The following C1D variants were observed in gnomAD, a reference collection of about 807,000 sequenced individuals.
C1D encodes the protein C1D nuclear receptor corepressor, also known as nuclear nucleic acid-binding protein C1D.
In C1D, 10 loss-of-function variants were observed where a neutral mutation model predicts 17.5. The observed-to-expected ratio is 0.57, with a 90% confidence interval of 0.35 to 0.97. The LOEUF (loss-of-function observed/expected upper bound fraction) is 0.97. C1D is among the 50% of genes least tolerant of loss of function. The pLI is 0.01. For missense variants in C1D, 136 were observed against 160.1 expected, an observed-to-expected ratio of 0.85 and a Z score of 0.81; for synonymous variants, 49 against 54.0, an observed-to-expected ratio of 0.91 and a Z score of 0.40.
At chr2:68,058,421 TTCC>T (rs1199175148) in intron 1 of C1D, among the ~76,000 whole-genome samples, 2 of 152,202 alleles carry the variant, frequency 1.3e-5, no homozygotes, top group African/African-American at 4.8e-5. Context: ...GACAGAAAGC[TTCC>T]TCAAGAAAGC....
In C1D at chr2:68,047,269, A is replaced by T. The variant is rs538836160; in HGVS notation, c.42T>A (p.Ile14=). 1.2e-6 allele frequency: 2 copies of T among 1,613,254 alleles called. No homozygotes were observed. Among genetic ancestry groups the T allele is most frequent in the African/African-American group, 2.7e-5 (2 of 75,004 alleles). ...EEINEDYPVE[I]HEYLSAFENS... is the part of the protein sequence containing the mutation. ...TCTCAAACGCTGACAAATACTCGTG[A>T]ATTTCTACTGGATAGTCTTCATTAA... The change falls in exon 2 of 5, where the codon ATT becomes ATA. Residue 14 remains isoleucine, a synonymous_variant. Coordinates refer to ENST00000410067, the MANE Select transcript of C1D (RefSeq NM_173177.3).
chr2:68,052,876 C>CAGCG (rs1411528532), intron 1 of C1D, among the ~76,000 whole-genome samples: 63 of 152,200 alleles, frequency 4.1e-4, no homozygotes, highest in African/African-American at 1.4e-3. Flanking sequence ...CAGGATCAAG[C>CAGCG]AGTGACTCTA....
chr2:68,062,434 C>A (rs1671661046), intron 1 of C1D, among the ~76,000 whole-genome samples: 1 of 152,182 alleles, frequency 6.6e-6, no homozygotes, highest in African/African-American at 2.4e-5. Flanking sequence ...GGATTACCCA[C>A]TACAGATTTC....
At chr2:68,044,276 T>C (rs1671053916) in intron 4 of C1D, among the ~76,000 whole-genome samples, 1 of 152,268 alleles carries the variant, frequency 6.6e-6, no homozygotes. Flanking sequence ...CACAGAGGAA[T>C]CATCTCTCAC....
At chr2:68,057,707 T>C (rs186336180) in intron 1 of C1D, among the ~76,000 whole-genome samples, 3 of 152,334 alleles carry the variant, frequency 2.0e-5, no homozygotes, top group East Asian at 3.8e-4. Flanking sequence ...ATCTCAAATT[T>C]TGAAATTTAC....
intron 4 of C1D, 29 bp downstream of exon 4, chr2:68,045,959 C>T (rs1671107380): frequency 6.8e-6 from 10 of 1,463,252 alleles, no homozygotes; most frequent in Non-Finnish European, 9.4e-6. Flanking sequence ...ACAACAAACA[C>T]ATAAAATAAA....
chr2:68,054,734 A>AGGAT (rs1671389705), intron 1 of C1D, among the ~76,000 whole-genome samples: 1 of 152,008 alleles, frequency 6.6e-6, no homozygotes, highest in Non-Finnish European at 1.5e-5. Flanking sequence ...GACTGACAGG[A>AGGAT]GGATCACTTG....
chr2:68,051,498 T>A (rs1671281245), intron 1 of C1D, among the ~76,000 whole-genome samples: 1 of 152,132 alleles, frequency 6.6e-6, no homozygotes, highest in Non-Finnish European at 1.5e-5. Context: ...ACTCTATTTT[T>A]AAAATCAAAA....
intron 1 of C1D, among the ~76,000 whole-genome samples, chr2:68,061,601 G>A (rs1339247832): frequency 6.6e-6 from 1 of 152,144 alleles, no homozygotes; most frequent in Non-Finnish European, 1.5e-5. Context: ...AGTATATAGT[G>A]TTGTTGCACA....
chr2:68,050,061 G>A (rs1240863307), intron 1 of C1D, among the ~76,000 whole-genome samples: 1 of 152,188 alleles, frequency 6.6e-6, no homozygotes, highest in African/African-American at 2.4e-5. Context: ...GTTAGAAAGG[G>A]TATACACTGA....
At chr2:68,046,896 A>C (rs1423285480) in intron 2 of C1D, among the ~76,000 whole-genome samples, 1 of 152,148 alleles carries the variant, frequency 6.6e-6, no homozygotes, top group African/African-American at 2.4e-5. Flanking sequence ...CATCATTGTA[A>C]TACTTAAAAG....
intron 1 of C1D, among the ~76,000 whole-genome samples, chr2:68,049,915 A>G (rs1216729958): frequency 6.6e-6 from 1 of 152,258 alleles, no homozygotes; most frequent in African/African-American, 2.4e-5. Flanking sequence ...GCCAGGAGAA[A>G]GTATCTGACA....
At chr2:68,056,508 T>TA (rs1482133128) in intron 1 of C1D, among the ~76,000 whole-genome samples, 3 of 151,662 alleles carry the variant, frequency 2.0e-5, no homozygotes, top group Admixed American at 6.6e-5. Context: ...TAATGTCAAA[T>TA]AAAAAACTAA....
intron 1 of C1D, among the ~76,000 whole-genome samples, chr2:68,057,310 T>C (rs13385536): frequency 0.23 from 35,091 of 150,304 alleles, 4,817 homozygotes; most frequent in African/African-American, 0.39. Flanking sequence ...CACCACACCT[T>C]GCTATTTTTT....
rs146021263 is a variant in C1D, at chr2:68,043,039, T to C, written c.276A>G (p.Val92=). Residue 92 remains valine, a synonymous_variant, in exon 5 of 5, where the codon GTA becomes GTG. Coordinates refer to ENST00000410067, the MANE Select transcript of C1D (RefSeq NM_173177.3). The part of the protein sequence containing the change: ...PVKQELERIR[V]YMNRVKEITD... ...TTATTTCCTTGACTCTGTTCATATA[T>C]ACTCTGATTCTTTCCTTAAAGATAA... 24 of 1,593,788 alleles carry C rather than the reference T, an allele frequency of 1.5e-5. No homozygotes were observed. In the African/African-American group the frequency reaches 3.0e-4, roughly 20 times the overall value.
rs1671683871 is a variant in C1D at position 68,063,004 on chromosome 2, T to C, written c.-56A>G. 6.6e-6 allele frequency: 1 copy of C among 152,256 alleles called. No homozygotes were observed. The highest frequency in any genetic ancestry group is 2.4e-5 in the African/African-American group (1 of 41,448). 9.4% of individuals were successfully genotyped at this position (152,256 alleles called of 1,614,324 possible). On this transcript the variant is annotated 5_prime_UTR_variant, in exon 1 of 5. Coordinates refer to ENST00000410067, the MANE Select transcript of C1D (RefSeq NM_173177.3). ...CTCCCGGAAAGCGGTCGGGCAACGA[T>C]GACGACAATGACGCGCCGGCTCTGC...
intron 1 of C1D, among the ~76,000 whole-genome samples, chr2:68,062,117 G>A (rs900737909): frequency 3.3e-5 from 5 of 152,186 alleles, no homozygotes; most frequent in African/African-American, 1.2e-4. Context: ...CATTTTCCAT[G>A]TGATTCTTAC....
At chr2:68,062,421 C>T (rs1427030115) in intron 1 of C1D, among the ~76,000 whole-genome samples, 1 of 152,172 alleles carries the variant, frequency 6.6e-6, no homozygotes, top group Non-Finnish European at 1.5e-5. Flanking sequence ...AAACTGCTCT[C>T]TTGGATTACC....
At chr2:68,044,479 C>A (rs1198549577) in intron 4 of C1D, among the ~76,000 whole-genome samples, 2 of 152,138 alleles carry the variant, frequency 1.3e-5, no homozygotes, top group Non-Finnish European at 1.5e-5. Context: ...GAGGCCGAGG[C>A]GGGCAGATCA....
Sources: allele counts gnomAD v4.1 joint callset (sites outside exome capture counted in the v4.1 genomes callset), GRCh38; gene constraint gnomAD v4.1.1; transcripts MANE v1.5; gene names NCBI Gene and HGNC (gene_info 2026-07-23, HGNC 2026-07-21).